LIMCH1: variants seen among roughly 807,000 people sequenced by gnomAD.
The protein encoded by LIMCH1 is LIM and calponin homology domains-containing protein 1.
LIMCH1 carries 113 observed loss-of-function variants against 176.5 expected under a neutral mutation model. The ratio of observed to expected loss-of-function variants is 0.64; its 90% CI spans 0.55 to 0.75. The LOEUF (loss-of-function observed/expected upper bound fraction) is 0.75. LIMCH1 is among the 30% of genes least tolerant of loss of function. LIMCH1 has a pLI of 0.00. For missense variants in LIMCH1, 1,674 were observed against 1,814.9 expected, an observed-to-expected ratio of 0.92 and a Z score of 1.41; for synonymous variants, 619 against 645.9, an observed-to-expected ratio of 0.96 and a Z score of 0.63.
Position 41,697,564 on chromosome 4 carries a change from TTA to T in LIMCH1, c.*381_*382del, listed in dbSNP as rs1731509016. On this transcript the variant is annotated 3_prime_UTR_variant, in exon 32 of 32. Coordinates refer to ENST00000503057, the MANE Select transcript of LIMCH1 (RefSeq NM_001330672.2). ...TTAGAATGTCTAGGAATTAAACACT[TTA>T]TGTTTACAGAATTGAGCTGCAGAAA... 1 of 200,202 alleles carries T rather than the reference TTA, an allele frequency of 5.0e-6. No homozygotes were observed. Among genetic ancestry groups the T allele is most frequent in the African/African-American group, 2.3e-5 (1 of 43,248 alleles). 12.4% of individuals were successfully genotyped at this position (200,202 alleles called of 1,614,324 possible).
At chr4:41,431,844 G>A (rs745498412) in intron 1 of LIMCH1, among the ~76,000 whole-genome samples, 74 of 152,198 alleles carry the variant, frequency 4.9e-4, no homozygotes, top group Non-Finnish European at 7.9e-4. Context: ...GGGCTGAGGG[G>A]ATTGGTGTTC....
chr4:41,689,691 G>C, intron 30 of LIMCH1, 56 bp downstream of exon 30: 1 of 1,119,942 alleles, frequency 8.9e-7, no homozygotes, highest in Non-Finnish European at 1.4e-6. Context: ...TTTTGGCATC[G>C]TTCCGTGCTG....
chr4:41,365,321 T>G (rs1225763144), intron 1 of LIMCH1, among the ~76,000 whole-genome samples: 1 of 152,230 alleles, frequency 6.6e-6, no homozygotes, highest in Non-Finnish European at 1.5e-5. Flanking sequence ...GCTGCCCACA[T>G]AGAATTGTTT....
intron 5 of LIMCH1, among the ~76,000 whole-genome samples, chr4:41,617,693 G>A (rs1179144560): frequency 1.3e-5 from 2 of 152,160 alleles, no homozygotes; most frequent in African/African-American, 4.8e-5. Context: ...ACTTGTTTAT[G>A]GTCAATGCCT....
At chr4:41,600,440 CA>C (rs1561879708) in intron 2 of LIMCH1, among the ~76,000 whole-genome samples, 1 of 152,162 alleles carries the variant, frequency 6.6e-6, no homozygotes, top group Non-Finnish European at 1.5e-5. Context: ...GTCACACACA[CA>C]TTGCTTGGAG....
At chr4:41,397,323 G>A (rs1042282815) in intron 1 of LIMCH1, among the ~76,000 whole-genome samples, 1 of 152,050 alleles carries the variant, frequency 6.6e-6, no homozygotes, top group African/African-American at 2.4e-5. Context: ...TCTCACTTTG[G>A]GCTTTTTATG....
At chr4:41,590,224 T>C (rs2087258657) in intron 1 of LIMCH1, among the ~76,000 whole-genome samples, 1 of 152,090 alleles carries the variant, frequency 6.6e-6, no homozygotes, top group African/African-American at 2.4e-5. Context: ...TCCCGAGTAG[T>C]TGGGTCTAAG....
intron 7 of LIMCH1, among the ~76,000 whole-genome samples, chr4:41,625,047 A>T (rs2092850543): frequency 6.6e-6 from 1 of 152,208 alleles, no homozygotes; most frequent in Non-Finnish European, 1.5e-5. Flanking sequence ...CTCATCTATG[A>T]GTGACTTGGA....
intron 1 of LIMCH1, among the ~76,000 whole-genome samples, chr4:41,559,519 C>T (rs530185649): frequency 3.3e-5 from 5 of 152,236 alleles, no homozygotes; most frequent in Admixed American, 1.3e-4. Context: ...CTGGCTGCAT[C>T]CTCCGACTCC....
rs992098136 is a variant in LIMCH1, at chr4:41,559,187, G to A, written c.-241+20837G>A. Among the ~76,000 whole-genome samples, 14 of 152,068 alleles carry A rather than the reference G, an allele frequency of 9.2e-5. 1 individual carries two copies. The highest frequency in any genetic ancestry group is 5.9e-4 in the Admixed American group (9 of 15,260). On this transcript the variant is annotated intron_variant, in intron 1 of 31. Transcript: ENST00000503057. Reference sequence around the variant, plus strand: ...GTAGATTTTTAAATAAAATATCCTTGCTGTTTTTGCCCCCTAAAACATAAT... The same window carrying A: ...GTAGATTTTTAAATAAAATATCCTTACTGTTTTTGCCCCCTAAAACATAAT...
chr4:41,580,645 TA>T (rs534747875), intron 1 of LIMCH1, among the ~76,000 whole-genome samples: 2 of 151,816 alleles, frequency 1.3e-5, no homozygotes, highest in African/African-American at 2.4e-5. Flanking sequence ...AAAATAAACC[TA>T]AAAAAACAGG....
chr4:41,603,612 T>G (rs1331916340), intron 2 of LIMCH1, among the ~76,000 whole-genome samples: 2 of 152,224 alleles, frequency 1.3e-5, no homozygotes, highest in Non-Finnish European at 2.9e-5. Context: ...TGATCGGACT[T>G]TTTCTATTTC....
chr4:41,516,012 A>G (rs979403685), intron 2 of LIMCH1, among the ~76,000 whole-genome samples: 2 of 152,230 alleles, frequency 1.3e-5, no homozygotes, highest in African/African-American at 4.8e-5. Flanking sequence ...TAGCACAATG[A>G]TGATTGCATG....
chr4:41,682,913 G>A (rs1333173315), intron 26 of LIMCH1, among the ~76,000 whole-genome samples: 3 of 152,068 alleles, frequency 2.0e-5, no homozygotes, highest in Non-Finnish European at 4.4e-5. Context: ...CTGACCTCAG[G>A]TGATCCACCT....
intron 1 of LIMCH1, among the ~76,000 whole-genome samples, chr4:41,394,881 A>G (rs1405840083): frequency 2.6e-5 from 4 of 152,232 alleles, no homozygotes. Flanking sequence ...AAAGAAACTA[A>G]GGACCTAGCA....
chr4:41,426,044 C>T (rs1253323354), intron 1 of LIMCH1, among the ~76,000 whole-genome samples: 1 of 107,860 alleles, frequency 9.3e-6, no homozygotes, highest in Non-Finnish European at 1.7e-5. Flanking sequence ...TTTTTTGAGA[C>T]GGAGTCTCGC....
intron 7 of LIMCH1, among the ~76,000 whole-genome samples, chr4:41,622,654 C>T (rs1446702336): frequency 1.1e-4 from 17 of 152,136 alleles, no homozygotes. Flanking sequence ...TTATTAAAAA[C>T]TTTGAACTCT....
At chr4:41,557,918 T>C (rs558791215) in intron 1 of LIMCH1, among the ~76,000 whole-genome samples, 61 of 152,192 alleles carry the variant, frequency 4.0e-4, no homozygotes, top group Non-Finnish European at 7.5e-4. Flanking sequence ...ACTTTTTTTT[T>C]TCTCTTATCC....
intron 1 of LIMCH1, among the ~76,000 whole-genome samples, chr4:41,442,734 G>A (rs1455167851): frequency 6.6e-6 from 1 of 152,178 alleles, no homozygotes; most frequent in Non-Finnish European, 1.5e-5. Flanking sequence ...ATGCAGTATG[G>A]AAATTAACTA....
Sources: gnomAD v4.1 joint callset for allele counts (sites outside exome capture counted in the v4.1 genomes callset) on GRCh38, gnomAD v4.1.1 for gene constraint, MANE v1.5 for transcripts, NCBI Gene and HGNC (gene_info 2026-07-23, HGNC 2026-07-21) for gene names.